SCYL2: variants seen among roughly 807,000 people sequenced by gnomAD.
SCYL2 encodes the protein SCY1 like pseudokinase 2.
SCYL2 carries 36 observed loss-of-function variants against 100.4 expected under a neutral mutation model. The observed-to-expected ratio is 0.36, with a 90% confidence interval of 0.27 to 0.47. The LOEUF is 0.47. Among genes scored for constraint, SCYL2 ranks in the 20% least tolerant of loss-of-function variants. The pLI is 1.00. For missense variants in SCYL2, 902 were observed against 1,083.9 expected (o/e 0.83, Z 2.36); for synonymous variants, 330 against 359.2 (o/e 0.92, Z 0.92).
intron 5 of SCYL2, 40 bp downstream of exon 5, chr12:100,311,233 A>G: frequency 6.4e-7 from 1 of 1,562,624 alleles, no homozygotes; most frequent in Non-Finnish European, 8.6e-7. Context: ...GAGGCCAGGG[A>G]AATTTTGATT....
chr12:100,309,374 T>C (rs2096339063), intron 4 of SCYL2, among the ~76,000 whole-genome samples: 1 of 152,166 alleles, frequency 6.6e-6, no homozygotes, highest in East Asian at 1.9e-4. Flanking sequence ...AGTATCTCCT[T>C]ATTCCTCCAA....
chr12:100,310,946 T>A, intron 4 of SCYL2, 98 bp from the exon 5 acceptor site: 1 of 1,209,492 alleles, frequency 8.3e-7, no homozygotes. Flanking sequence ...GCAAAACTTT[T>A]ATTGTGAAGA....
At chr12:100,288,502 T>G (rs2096306885) in intron 2 of SCYL2, among the ~76,000 whole-genome samples, 1 of 152,128 alleles carries the variant, frequency 6.6e-6, no homozygotes, top group Admixed American at 6.5e-5. Context: ...GTGGTGAAAC[T>G]GCAAGAGCTA....
intron 1 of SCYL2, among the ~76,000 whole-genome samples, chr12:100,270,082 G>A (rs917395479): frequency 6.6e-6 from 1 of 151,770 alleles, no homozygotes; most frequent in Non-Finnish European, 1.5e-5. Flanking sequence ...CGCCTCCCAG[G>A]TTCACGCCAT....
chr12:100,269,225 A>T (rs1479324808), intron 1 of SCYL2, among the ~76,000 whole-genome samples: 1 of 152,024 alleles, frequency 6.6e-6, no homozygotes, highest in Non-Finnish European at 1.5e-5. Context: ...GTGCTTTCTG[A>T]CATTCCCTTT....
At chr12:100,292,499 C>G (rs1326560318) in intron 3 of SCYL2, among the ~76,000 whole-genome samples, 1 of 152,120 alleles carries the variant, frequency 6.6e-6, no homozygotes, top group African/African-American at 2.4e-5. Flanking sequence ...TTGCTTTTAT[C>G]TTTTATTATA....
chr12:100,296,376 C>T (rs1007488213), intron 3 of SCYL2, among the ~76,000 whole-genome samples: 1 of 151,970 alleles, frequency 6.6e-6, no homozygotes, highest in Non-Finnish European at 1.5e-5. Flanking sequence ...GGGTGAGTCA[C>T]TTACAGGCAG....
At chr12:100,335,585 T>A in intron 14 of SCYL2, 40 bp from the exon 15 acceptor site, 1 of 1,433,674 alleles carries the variant, frequency 7.0e-7, no homozygotes, top group Non-Finnish European at 9.6e-7. Flanking sequence ...AAAATATGCA[T>A]TTCTTTTTAT....
At chr12:100,326,167 G>A (rs1407999337) in intron 11 of SCYL2, among the ~76,000 whole-genome samples, 1 of 152,010 alleles carries the variant, frequency 6.6e-6, no homozygotes, top group East Asian at 1.9e-4. Flanking sequence ...CACATATATG[G>A]ATACCTTCAC....
chr12:100,268,267 C>A (rs376559887), intron 1 of SCYL2, among the ~76,000 whole-genome samples: 2 of 152,142 alleles, frequency 1.3e-5, no homozygotes, highest in African/African-American at 2.4e-5. Flanking sequence ...TTCTAAGTAG[C>A]CTATCTCCGT....
In SCYL2 at chr12:100,291,826, GTA is replaced by G. The variant is rs2096311093; in HGVS notation, c.335+170_335+171del. ...CCTAAAATTTATTTGCATTGTCTAC[GTA>G]TATGTCTCTCTTTGAAATATTAATA... On this transcript the variant is annotated intron_variant, in intron 3 of 17. Transcript: ENST00000360820. 2.0e-5 allele frequency: 12 copies of G among 595,738 alleles called. No individual in the cohort carries two copies. In the East Asian group the frequency reaches 2.9e-4, roughly 15 times the overall value. 36.9% of individuals were successfully genotyped at this position (595,738 alleles called of 1,614,324 possible). A position where few individuals can be genotyped will look rare whatever the true frequency, so the allele number is the denominator to read the frequency against.
At position 100,311,169 on chromosome 12, in the gene SCYL2, A is replaced by G. The variant is rs1296742606; in HGVS notation, c.606A>G (p.Ser202=). ...TAATGGGTTTTGATTTTTGTGTATC[A>G]TCAACCAATCCTTCTGAACAAGAGG... is the stretch of plus-strand genomic sequence containing the variant. ...WKIMGFDFCV[S]STNPSEQEPK... The change falls in exon 5 of 18, where the codon TCA becomes TCG. Residue 202 remains serine, a synonymous_variant. Coordinates refer to ENST00000360820, the MANE Select transcript of SCYL2 (RefSeq NM_017988.6). The G allele has an allele frequency of 1.9e-6, 3 of 1,600,098 alleles. No homozygotes were observed. The highest frequency in any genetic ancestry group is 1.8e-5 in the Admixed American group (1 of 56,014).
Position 100,317,863 on chromosome 12 carries a change from A to G in SCYL2, c.1333A>G (p.Ile445Val). 1 of 1,609,460 alleles carries G rather than the reference A, an allele frequency of 6.2e-7. No homozygotes were observed. Reference protein sequence around the residue: ...LLLTKTPPDEIKNSVLPMVYR... With the variant: ...LLLTKTPPDEVKNSVLPMVYR... ...ACTAACCAAAACCCCTCCTGATGAGATAAAGAACAGTGTTCTACCCATGGT... is the reference window on the plus strand; with the variant it reads ...ACTAACCAAAACCCCTCCTGATGAGGTAAAGAACAGTGTTCTACCCATGGT... Residue 445 changes from isoleucine to valine, a missense_variant, in exon 10 of 18, where the codon ATA becomes GTA. By Grantham distance (29) the Ile-to-Val change is conservative (BLOSUM62 3). Coordinates refer to ENST00000360820, the MANE Select transcript of SCYL2 (RefSeq NM_017988.6).
chr12:100,305,726 T>G (rs574570522), intron 4 of SCYL2, among the ~76,000 whole-genome samples: 1 of 150,414 alleles, frequency 6.6e-6, no homozygotes, highest in African/African-American at 2.4e-5. Context: ...GTTTTTTTTT[T>G]TTTTTTTTTT....
At chr12:100,308,548 G>C (rs188933499) in intron 4 of SCYL2, among the ~76,000 whole-genome samples, 2 of 152,100 alleles carry the variant, frequency 1.3e-5, no homozygotes, top group Non-Finnish European at 1.5e-5. Flanking sequence ...GTGACTGGTT[G>C]ATGGGTGCAG....
At chr12:100,279,391 TA>T (rs1163432356) in intron 1 of SCYL2, among the ~76,000 whole-genome samples, 2 of 152,238 alleles carry the variant, frequency 1.3e-5, no homozygotes, top group Admixed American at 1.3e-4. Context: ...GCCCGGTTCC[TA>T]ATAGGCCGTG....
chr12:100,328,868 A>G (rs1026243467), intron 12 of SCYL2, among the ~76,000 whole-genome samples: 3 of 152,200 alleles, frequency 2.0e-5, no homozygotes, highest in Non-Finnish European at 4.4e-5. Context: ...ATATATTTAG[A>G]TGTTTCAGAA....
At chr12:100,309,005 G>GCTA (rs748634844) in intron 4 of SCYL2, among the ~76,000 whole-genome samples, 1 of 152,090 alleles carries the variant, frequency 6.6e-6, no homozygotes, top group Non-Finnish European at 1.5e-5. Context: ...AGGACTGACT[G>GCTA]CTAACCAGCC....
intron 10 of SCYL2, among the ~76,000 whole-genome samples, chr12:100,322,621 G>T (rs1423193350): frequency 6.6e-6 from 1 of 151,604 alleles, no homozygotes; most frequent in Non-Finnish European, 1.5e-5. Context: ...GCTGGGCATG[G>T]GCCAAGGTAG....
Sources: allele counts gnomAD v4.1 joint callset (sites outside exome capture counted in the v4.1 genomes callset), GRCh38; gene constraint gnomAD v4.1.1; transcripts MANE v1.5; gene names NCBI Gene and HGNC (gene_info 2026-07-23, HGNC 2026-07-21).